The following IL18RAP variants were observed in gnomAD, a reference collection of about 807,000 sequenced individuals.
The protein encoded by IL18RAP is interleukin 18 receptor accessory protein.
IL18RAP carries 37 observed loss-of-function variants against 58.1 expected under a neutral mutation model. The ratio of observed to expected loss-of-function variants is 0.64; its 90% CI spans 0.49 to 0.84. IL18RAP has a LOEUF of 0.84. IL18RAP is among the 40% of genes least tolerant of loss of function. IL18RAP has a pLI of 0.00. For missense variants in IL18RAP, 667 were observed against 704.8 expected, an observed-to-expected ratio of 0.95 and a Z score of 0.61; for synonymous variants, 268 against 257.5, an observed-to-expected ratio of 1.04 and a Z score of -0.39.
intron 9 of IL18RAP, 114 bp from the exon 10 acceptor site, chr2:102,451,652 T>C (rs1683773848): frequency 1.2e-6 from 1 of 818,074 alleles, no homozygotes; most frequent in African/African-American, 1.7e-5. Flanking sequence ...ACAGTGTAAG[T>C]GGTAGAGTAA....
Position 102,442,302 on chromosome 2 carries a change from AT to A in IL18RAP, c.797-891del, listed in dbSNP as rs925952935. On this transcript the variant is annotated intron_variant, in intron 5 of 9. Coordinates refer to ENST00000687160, the MANE Select transcript of IL18RAP (RefSeq NM_001393487.1). Reference sequence around the variant, plus strand: ...TGCTGTTTTTCTTTTAATAATATAAATTTTTTTATTATTATTATACTTTCTA... The same window carrying A: ...TGCTGTTTTTCTTTTAATAATATAAATTTTTTATTATTATTATACTTTCTA... 1.7e-3 allele frequency among the ~76,000 whole-genome samples: 256 copies of A among 151,770 alleles called. 1 individual carries two copies. Among genetic ancestry groups the A allele is most frequent in the African/African-American group, 5.8e-3 (241 of 41,508 alleles).
chr2:102,422,350 C>T (rs531526341), upstream of IL18RAP, among the ~76,000 whole-genome samples: 1 of 152,264 alleles, frequency 6.6e-6, no homozygotes, highest in Admixed American at 6.5e-5. Flanking sequence ...TTCCATTAGC[C>T]CTGGCCTACT....
chr2:102,448,014 G>A (rs868626012), intron 8 of IL18RAP, among the ~76,000 whole-genome samples: 24 of 152,278 alleles, frequency 1.6e-4, no homozygotes, highest in African/African-American at 4.8e-4. Flanking sequence ...GATTACAGCC[G>A]TGAGCCACCG....
At chr2:102,425,474 G>T (rs1371554946) in intron 3 of IL18RAP, among the ~76,000 whole-genome samples, 4 of 152,036 alleles carry the variant, frequency 2.6e-5, no homozygotes, top group Non-Finnish European at 4.4e-5. Flanking sequence ...CATGGGGTAT[G>T]GTCTCAAATT....
At chr2:102,441,563 G>A (rs573205878) in intron 5 of IL18RAP, among the ~76,000 whole-genome samples, 186 bp downstream of exon 5, 2 of 152,136 alleles carry the variant, frequency 1.3e-5, no homozygotes, top group African/African-American at 4.8e-5. Flanking sequence ...ACTTAAATCC[G>A]CAAATAGCTA....
chr2:102,448,794 A>G (rs146474762), intron 8 of IL18RAP, among the ~76,000 whole-genome samples: 13 of 151,756 alleles, frequency 8.6e-5, no homozygotes, highest in Admixed American at 3.3e-4. Context: ...ACCTGCCTCT[A>G]CAAGAAATTT....
intron 6 of IL18RAP, among the ~76,000 whole-genome samples, chr2:102,444,575 A>G (rs943446278): frequency 6.6e-6 from 1 of 152,218 alleles, no homozygotes; most frequent in Non-Finnish European, 1.5e-5. Context: ...TCACATACAC[A>G]AGATTTCTTA....
At chr2:102,426,617 C>T (rs992286650) in intron 3 of IL18RAP, among the ~76,000 whole-genome samples, 5 of 152,000 alleles carry the variant, frequency 3.3e-5, no homozygotes, top group African/African-American at 1.2e-4. Flanking sequence ...TGGTTATCTA[C>T]AGGGAGAAGA....
intron 3 of IL18RAP, among the ~76,000 whole-genome samples, chr2:102,429,044 T>A (rs538934954): frequency 2.6e-5 from 4 of 152,152 alleles, no homozygotes; most frequent in Admixed American, 2.0e-4. Flanking sequence ...ATCCCAGGGA[T>A]AAATCCCACT....
At chr2:102,450,741 ATTAT>A (rs1683710789) in intron 8 of IL18RAP, 103 bp from the exon 9 acceptor site, 1 of 590,190 alleles carries the variant, frequency 1.7e-6, no homozygotes, top group Non-Finnish European at 2.7e-6. Flanking sequence ...GATCCCAAAT[ATTAT>A]TTCTTATTCA....
At chr2:102,421,645 T>TA (rs34883153), upstream of IL18RAP, among the ~76,000 whole-genome samples, 1,717 of 152,242 alleles carry the variant, frequency 0.011, 32 homozygotes, top group African/African-American at 0.039. Context: ...GCAGTGACCT[T>TA]AACACCTATC....
At chr2:102,420,010 C>T (rs1398015635), upstream of IL18RAP, among the ~76,000 whole-genome samples, 1 of 152,214 alleles carries the variant, frequency 6.6e-6, no homozygotes, top group Non-Finnish European at 1.5e-5. Flanking sequence ...TTTGGTGGCT[C>T]CTTCCGATTC....
intron 3 of IL18RAP, among the ~76,000 whole-genome samples, chr2:102,433,425 T>C (rs1682526551): frequency 6.6e-6 from 1 of 152,176 alleles, no homozygotes; most frequent in African/African-American, 2.4e-5. Flanking sequence ...GGTTTCACTA[T>C]GTTGCTCAGG....
upstream of IL18RAP, among the ~76,000 whole-genome samples, chr2:102,422,091 C>T (rs151254143): frequency 5.9e-5 from 9 of 152,316 alleles, no homozygotes; most frequent in African/African-American, 2.2e-4. Context: ...CCCCGCTTCC[C>T]ACATTCCCTC....
At chr2:102,436,558 C>G (rs1270747359) in intron 3 of IL18RAP, among the ~76,000 whole-genome samples, 1 of 151,892 alleles carries the variant, frequency 6.6e-6, no homozygotes, top group Non-Finnish European at 1.5e-5. Flanking sequence ...TGGGGGAATC[C>G]CAGCTTCTAC....
chr2:102,434,045 A>G (rs900074679), intron 3 of IL18RAP: 1 of 152,238 alleles, frequency 6.6e-6, no homozygotes, highest in African/African-American at 2.4e-5. Context: ...AATTTAGATT[A>G]TATTTCTCAA....
chr2:102,422,187 T>G (rs911566035), upstream of IL18RAP, among the ~76,000 whole-genome samples: 1 of 152,206 alleles, frequency 6.6e-6, no homozygotes, highest in Non-Finnish European at 1.5e-5. Context: ...CAAGACTCTT[T>G]GGTGGACACT....
Position 102,423,902 on chromosome 2 carries a change from A to C in IL18RAP, c.162A>C (p.Ser54=). 6.2e-7 allele frequency: 1 copy of C among 1,613,774 alleles called. No individual in the cohort carries two copies. The highest frequency in any genetic ancestry group is 8.5e-7 in the Non-Finnish European group (1 of 1,179,744). The change falls in exon 2 of 10, where the codon TCA becomes TCC. Residue 54 remains serine (S), a synonymous_variant. Coordinates refer to ENST00000687160, the MANE Select transcript of IL18RAP (RefSeq NM_001393487.1). ...GTGATTTACCAGAGCCACAGAAATC[A>C]CATTTCTGCCACAGAAATCGACTCT... The part of the protein sequence containing the change: ...LFCDLPEPQK[S]HFCHRNRLSP...
chr2:102,424,524 A>G, intron 3 of IL18RAP, 110 bp downstream of exon 3: 1 of 957,702 alleles, frequency 1.0e-6, no homozygotes, highest in Non-Finnish European at 1.6e-6. Context: ...ACAGCTTCTC[A>G]AAAACTGGCC....
Sources: allele counts gnomAD v4.1 joint callset (sites outside exome capture counted in the v4.1 genomes callset), GRCh38; gene constraint gnomAD v4.1.1; transcripts MANE v1.5; gene names NCBI Gene and HGNC (gene_info 2026-07-23, HGNC 2026-07-21).